Variants in CYYR1 observed in about 807,000 individuals in gnomAD.
CYYR1 encodes cysteine and tyrosine rich 1, also known as cysteine and tyrosine-rich protein 1.
CYYR1 carries 14 observed loss-of-function variants against 15.2 expected under a neutral mutation model. That is an observed-to-expected ratio of 0.92 (90% CI 0.61 to 1.44). The LOEUF (loss-of-function observed/expected upper bound fraction) is 1.44. Among genes scored for constraint, CYYR1 ranks in the 40% most tolerant of loss-of-function variants. CYYR1 has a pLI of 0.00. For missense variants in CYYR1, 228 were observed against 209.5 expected (o/e 1.09, Z -0.54); for synonymous variants, 80 against 77.4 (o/e 1.03, Z -0.18).
chr21:26,562,266 T>G (rs148922096), intron 2 of CYYR1, among the ~76,000 whole-genome samples: 1 of 152,334 alleles, frequency 6.6e-6, no homozygotes, highest in East Asian at 1.9e-4. Flanking sequence ...TTTCAAATAG[T>G]GTAACATCTC....
intron 3 of CYYR1, among the ~76,000 whole-genome samples, chr21:26,474,473 T>G (rs1359408610): frequency 3.3e-5 from 5 of 149,524 alleles, no homozygotes; most frequent in African/African-American, 1.2e-4. Flanking sequence ...AGGATCAAAC[T>G]TGAGATCTTC....
At chr21:26,500,016 C>A (rs922263284) in intron 2 of CYYR1, among the ~76,000 whole-genome samples, 3 of 152,012 alleles carry the variant, frequency 2.0e-5, no homozygotes, top group African/African-American at 7.2e-5. Flanking sequence ...TCTCATAGTT[C>A]TGGAGGCTGG....
rs200072933 is a variant in CYYR1 at position 26,480,414 on chromosome 21, C to T, written c.192G>A (p.Ala64=). The T allele has an allele frequency of 2.0e-5, 32 of 1,611,482 alleles. No homozygotes were observed. In the African/African-American group the frequency reaches 2.1e-4, roughly 11 times the overall value. Residue 64 remains alanine, a synonymous_variant, in exon 3 of 4, where the codon GCG becomes GCA. Transcript: ENST00000652641. The stretch of plus-strand genomic sequence containing the variant: ...TAAATACTATTCCAAAAACAATGCC[C>T]GCAATTGCAGTGCCCCTAAAAGGAA... ...IGNILSGTAI[A]GIVFGIVFIM...
At chr21:26,476,336 A>G (rs1267352592) in intron 3 of CYYR1, among the ~76,000 whole-genome samples, 1 of 152,088 alleles carries the variant, frequency 6.6e-6, no homozygotes, top group Non-Finnish European at 1.5e-5. Flanking sequence ...AGTAACCGTA[A>G]AGTTACTATT....
At chr21:26,495,450 T>C (rs13048552) in intron 2 of CYYR1, among the ~76,000 whole-genome samples, 26,310 of 152,186 alleles carry the variant, frequency 0.17, 2,538 homozygotes, top group South Asian at 0.24. Context: ...GATGTTTACT[T>C]CCTGTCACTT....
chr21:26,494,569 C>T (rs1470108837), intron 2 of CYYR1, among the ~76,000 whole-genome samples: 3 of 151,928 alleles, frequency 2.0e-5, no homozygotes, highest in African/African-American at 7.3e-5. Context: ...ACTTTTGTCT[C>T]AAAGACCTTG....
intron 2 of CYYR1, among the ~76,000 whole-genome samples, chr21:26,505,517 T>G (rs574334386): frequency 6.6e-6 from 1 of 152,366 alleles, no homozygotes; most frequent in East Asian, 1.9e-4. Flanking sequence ...GAAAAATATA[T>G]GTATTTATTG....
rs2064972770 is a variant in CYYR1 at position 26,466,772 on chromosome 21, C to A, written c.*1729G>T. The stretch of plus-strand genomic sequence containing the variant: ...TAAAGCATATGTACTATTAAAATTG[C>A]ACTGAAAACTTTATGTAAGTCAGGG... On this transcript the variant is annotated 3_prime_UTR_variant, in exon 4 of 4. Transcript: ENST00000652641. 6.6e-6 allele frequency: 1 copy of A among 152,142 alleles called. No homozygotes were observed. Among genetic ancestry groups the A allele is most frequent in the South Asian group, 2.1e-4 (1 of 4,832 alleles). The allele number at this position is 152,142 out of a possible 1,614,324, so 9.4% of individuals were successfully genotyped here. A position where few individuals can be genotyped will look rare whatever the true frequency, so the allele number is the denominator to read the frequency against.
chr21:26,549,797 C>G (rs1979249831), intron 2 of CYYR1, among the ~76,000 whole-genome samples: 1 of 152,060 alleles, frequency 6.6e-6, no homozygotes, highest in Admixed American at 6.6e-5. Context: ...TATTTGTAAT[C>G]CACTGACACG....
intron 2 of CYYR1, among the ~76,000 whole-genome samples, chr21:26,559,262 A>G (rs1265287616): frequency 6.6e-6 from 1 of 152,140 alleles, no homozygotes; most frequent in Non-Finnish European, 1.5e-5. Flanking sequence ...TTTCTGCTCT[A>G]TGCCTTTTTT....
intron 2 of CYYR1, among the ~76,000 whole-genome samples, chr21:26,537,854 G>A (rs1978320113): frequency 6.6e-6 from 1 of 152,032 alleles, no homozygotes. Context: ...TCAAAAAACT[G>A]CCTTATCCCT....
chr21:26,501,808 G>A (rs949050828), intron 2 of CYYR1, among the ~76,000 whole-genome samples: 3 of 152,140 alleles, frequency 2.0e-5, no homozygotes, highest in Admixed American at 1.3e-4. Context: ...AAGAATTAAT[G>A]ACAGCCTGCA....
intron 2 of CYYR1, among the ~76,000 whole-genome samples, chr21:26,541,401 C>A (rs1278524027): frequency 6.6e-6 from 1 of 152,074 alleles, no homozygotes; most frequent in Admixed American, 6.5e-5. Flanking sequence ...AACAAAAATA[C>A]AAATCACCAC....
chr21:26,468,384 AT>A lies in CYYR1; in HGVS notation c.*116del. On this transcript the variant is annotated 3_prime_UTR_variant, in exon 4 of 4. Coordinates refer to ENST00000652641, the MANE Select transcript of CYYR1 (RefSeq NM_001320768.2). ...CTAGCAGGGATATTCCACCTGACAC[AT>A]TATCTGACCCCAAAAAGTATTCCTT... The A allele has an allele frequency of 1.3e-6, 1 of 782,888 alleles. No homozygotes were observed. The highest frequency in any genetic ancestry group is 2.5e-4 in the Middle Eastern group (1 of 4,062). 48.5% of individuals were successfully genotyped at this position (782,888 alleles called of 1,614,324 possible).
chr21:26,514,882 C>A (rs948583084), intron 2 of CYYR1, among the ~76,000 whole-genome samples: 3 of 152,180 alleles, frequency 2.0e-5, no homozygotes, highest in African/African-American at 7.2e-5. Flanking sequence ...CCTAAGTGAA[C>A]CCAAACCAAT....
intron 2 of CYYR1, among the ~76,000 whole-genome samples, chr21:26,504,056 A>G (rs2123486074): frequency 6.6e-6 from 1 of 152,334 alleles, no homozygotes; most frequent in African/African-American, 2.4e-5. Flanking sequence ...GAGAGGAGAC[A>G]TGATGCAGCC....
chr21:26,534,485 C>T (rs1426207179), intron 2 of CYYR1, among the ~76,000 whole-genome samples: 1 of 152,098 alleles, frequency 6.6e-6, no homozygotes, highest in African/African-American at 2.4e-5. Context: ...AGACCAACTT[C>T]TCCTTTGTCT....
chr21:26,470,343 A>G (rs2065019030), intron 3 of CYYR1, among the ~76,000 whole-genome samples: 1 of 152,204 alleles, frequency 6.6e-6, no homozygotes, highest in Non-Finnish European at 1.5e-5. Context: ...ATATGCAGAA[A>G]AAAACTATGT....
chr21:26,547,928 A>AACATT (rs60753966), intron 2 of CYYR1, among the ~76,000 whole-genome samples: 125,711 of 151,478 alleles, frequency 0.83, 52,249 homozygotes, highest in African/African-American at 0.89. Context: ...AAAGTAGCTA[A>AACATT]ACGGAGTACC....
Sources: gnomAD v4.1 joint callset for allele counts (sites outside exome capture counted in the v4.1 genomes callset) on GRCh38, gnomAD v4.1.1 for gene constraint, MANE v1.5 for transcripts, NCBI Gene and HGNC (gene_info 2026-07-23, HGNC 2026-07-21) for gene names.